Variants in VPS13B observed in about 807,000 individuals in gnomAD.
The protein encoded by VPS13B is intermembrane lipid transfer protein VPS13B.
VPS13B carries 285 observed loss-of-function variants against 426.4 expected under a neutral mutation model. That is an observed-to-expected ratio of 0.67 (90% confidence interval 0.61 to 0.74). VPS13B has a LOEUF of 0.74. Ranked by LOEUF, VPS13B falls within the 30% of genes least tolerant of loss-of-function variation. VPS13B has a pLI of 0.00. For missense variants in VPS13B, 4,537 were observed against 4,782.6 expected, an observed-to-expected ratio of 0.95 and a Z score of 1.51; for synonymous variants, 1,676 against 1,676.4, an observed-to-expected ratio of 1.00 and a Z score of 0.01.
intron 35 of VPS13B, among the ~76,000 whole-genome samples, chr8:99,663,709 G>A (rs1178041493): frequency 1.3e-5 from 2 of 152,284 alleles, no homozygotes; most frequent in South Asian, 2.1e-4. Flanking sequence ...GTAAGAACAC[G>A]TAATTAGTTC....
At chr8:99,163,137 G>A (rs908452357) in intron 15 of VPS13B, among the ~76,000 whole-genome samples, 4 of 150,490 alleles carry the variant, frequency 2.7e-5, no homozygotes, top group Admixed American at 2.0e-4. Flanking sequence ...ACAGAGTGCC[G>A]ATTGGTGTAT....
intron 15 of VPS13B, among the ~76,000 whole-genome samples, chr8:99,163,651 C>A (rs976299821): frequency 1.3e-5 from 2 of 152,218 alleles, no homozygotes; most frequent in African/African-American, 4.8e-5. Context: ...GGTGCTAAGT[C>A]CCTCATTGCC....
At chr8:99,053,393 T>C (rs1032024886) in intron 3 of VPS13B, among the ~76,000 whole-genome samples, 1 of 152,106 alleles carries the variant, frequency 6.6e-6, no homozygotes, top group African/African-American at 2.4e-5. Flanking sequence ...ATGCGGTTTT[T>C]TTGGTTTTTT....
At chr8:99,477,496 C>T (rs570234448) in intron 24 of VPS13B, among the ~76,000 whole-genome samples, 1 of 152,330 alleles carries the variant, frequency 6.6e-6, no homozygotes, top group East Asian at 1.9e-4. Flanking sequence ...CTGAGGTATA[C>T]TGTCAGAAGG....
intron 19 of VPS13B, among the ~76,000 whole-genome samples, chr8:99,336,239 A>T (rs1011169240): frequency 6.6e-6 from 1 of 152,096 alleles, no homozygotes; most frequent in Non-Finnish European, 1.5e-5. Flanking sequence ...TCTTTGACAA[A>T]CCTGAGAAAA....
In VPS13B at chr8:99,640,013, T is replaced by TAAGAAGAAGAAG. The variant is rs1438997007; in HGVS notation, c.5221-1796_5221-1795insGAAGAAGAAGAA. 1.3e-4 allele frequency among the ~76,000 whole-genome samples: 9 copies of TAAGAAGAAGAAG among 70,588 alleles called. 1 individual carries two copies. Among genetic ancestry groups the TAAGAAGAAGAAG allele is most frequent in the African/African-American group, 3.2e-4 (6 of 18,940 alleles). The allele number at this position is 70,588 out of a possible 152,430, so 46.3% of individuals were successfully genotyped here. ...ATAATAATAATAATAATAATAATAA[T>TAAGAAGAAGAAG]AATAATAATAATAAGAAGAAGAAGA... On this transcript the variant is annotated intron_variant, in intron 33 of 61. Coordinates refer to ENST00000357162, the MANE Select transcript of VPS13B (RefSeq NM_152564.5).
intron 25 of VPS13B, among the ~76,000 whole-genome samples, chr8:99,482,776 CTA>C (rs1382382103): frequency 1.3e-5 from 2 of 152,070 alleles, no homozygotes; most frequent in Non-Finnish European, 2.9e-5. Context: ...GGATTTTTAT[CTA>C]TGTGAATATG....
intron 2 of VPS13B, among the ~76,000 whole-genome samples, chr8:99,035,346 A>ACCTTT (rs1842694962): frequency 1.3e-5 from 2 of 152,136 alleles, no homozygotes; most frequent in Non-Finnish European, 2.9e-5. Flanking sequence ...CCCCTGCCCC[A>ACCTTT]GCCCTTGACA....
intron 17 of VPS13B, among the ~76,000 whole-genome samples, chr8:99,239,347 A>G (rs1205610753): frequency 6.6e-6 from 1 of 152,154 alleles, no homozygotes; most frequent in African/African-American, 2.4e-5. Context: ...TAGAATTGAC[A>G]AAATCAGTCA....
At chr8:99,508,650 A>G (rs906681565) in intron 28 of VPS13B, among the ~76,000 whole-genome samples, 9 of 152,130 alleles carry the variant, frequency 5.9e-5, no homozygotes, top group Non-Finnish European at 1.2e-4. Flanking sequence ...AATGTTCATT[A>G]GTGTCTGTGA....
Position 99,096,352 on chromosome 8 carries a change from G to GTAC in VPS13B, c.334_336dup (p.Thr112dup). 1 of 1,614,076 alleles carries GTAC rather than the reference G, an allele frequency of 6.2e-7. No individual in the cohort carries two copies. Among genetic ancestry groups the GTAC allele is most frequent in the Non-Finnish European group, 8.5e-7 (1 of 1,179,976 alleles). On this transcript the variant is annotated inframe_insertion, in exon 4 of 62. Transcript: ENST00000357162. ...TGTGGTTCTAATTCTACCAACCGTA[G>GTAC]TACTGCTGAGAGCACAAAATCATCA...
At chr8:99,839,232 AGT>A (rs1205133399) in intron 54 of VPS13B, among the ~76,000 whole-genome samples, 1 of 152,224 alleles carries the variant, frequency 6.6e-6, no homozygotes, top group Admixed American at 6.5e-5. Flanking sequence ...TAGTCGGGTC[AGT>A]GTCACTGCTG....
intron 33 of VPS13B, among the ~76,000 whole-genome samples, chr8:99,578,159 T>C (rs1825864377): frequency 6.6e-6 from 1 of 152,202 alleles, no homozygotes; most frequent in Non-Finnish European, 1.5e-5. Context: ...CCACAAAGTA[T>C]GTCAGCAAGA....
At chr8:99,064,850 GC>G (rs536054538) in intron 3 of VPS13B, among the ~76,000 whole-genome samples, 212 of 152,300 alleles carry the variant, frequency 1.4e-3, no homozygotes, top group African/African-American at 4.7e-3. Flanking sequence ...GTTAAGGGCA[GC>G]CAGAGAGAAA....
chr8:99,673,242 TG>T (rs1279154323), intron 35 of VPS13B, among the ~76,000 whole-genome samples: 1 of 152,096 alleles, frequency 6.6e-6, no homozygotes, highest in Non-Finnish European at 1.5e-5. Flanking sequence ...AATTCAGTGG[TG>T]AAGTCATTGG....
intron 16 of VPS13B, among the ~76,000 whole-genome samples, chr8:99,180,481 G>A (rs1184086774): frequency 6.6e-6 from 1 of 152,142 alleles, no homozygotes; most frequent in African/African-American, 2.4e-5. Flanking sequence ...ACAAATACAT[G>A]CATTTCAGAT....
rs1814138931 is a variant in VPS13B, at chr8:99,817,902, CAT to C, written c.8361+103_8361+104del. On this transcript the variant is annotated intron_variant, in intron 45 of 61. Coordinates refer to ENST00000357162, the MANE Select transcript of VPS13B (RefSeq NM_152564.5). Reference sequence around the variant, plus strand: ...CAGCACTTAATTTATTAAAAAGTGACATATAAAAAAGGGGAGTGAAAGGCTTT... The same window carrying C: ...CAGCACTTAATTTATTAAAAAGTGACATAAAAAAGGGGAGTGAAAGGCTTT... The C allele has an allele frequency of 2.5e-6, 4 of 1,574,912 alleles. No individual in the cohort carries two copies. In the East Asian group the frequency reaches 7.0e-5, roughly 28 times the overall value.
At chr8:99,371,568 G>A (rs540831009) in intron 19 of VPS13B, among the ~76,000 whole-genome samples, 1 of 152,222 alleles carries the variant, frequency 6.6e-6, no homozygotes, top group South Asian at 2.1e-4. Flanking sequence ...TGGCTATATG[G>A]GCCATGTGAA....
At chr8:99,584,275 T>C (rs1403635885) in intron 33 of VPS13B, among the ~76,000 whole-genome samples, 2 of 152,166 alleles carry the variant, frequency 1.3e-5, no homozygotes, top group African/African-American at 4.8e-5. Context: ...AGTGTAATTT[T>C]CTCCTGATAA....
Sources: gnomAD v4.1 joint callset for allele counts (sites outside exome capture counted in the v4.1 genomes callset) on GRCh38, gnomAD v4.1.1 for gene constraint, MANE v1.5 for transcripts, NCBI Gene and HGNC (gene_info 2026-07-23, HGNC 2026-07-21) for gene names.